Variants in MAFG observed in about 807,000 individuals in gnomAD.
The protein encoded by MAFG is transcription factor MafG.
Under a neutral mutation model 12.2 loss-of-function variants are expected in MAFG, and 3 were observed. The observed-to-expected ratio is 0.25, with a 90% CI of 0.11 to 0.64. The LOEUF (loss-of-function observed/expected upper bound fraction) is 0.64, where lower values mean the gene tolerates loss of function less well. MAFG is among the 30% of genes least tolerant of loss of function. MAFG has a pLI of 0.85. For synonymous variants in MAFG, 126 were observed against 109.1 expected (o/e 1.15, Z -0.96); for missense variants, 153 against 235.5 (o/e 0.65, Z 2.29).
chr17:81,927,765 A>C (rs2040954073), upstream of MAFG: 3 of 152,158 alleles, frequency 2.0e-5, no homozygotes, highest in African/African-American at 4.8e-5. Context: ...TCCATTCATG[A>C]AGCGGCGACG....
At position 81,921,109 on chromosome 17, in the gene MAFG, C is replaced by T. The variant is rs917316446; in HGVS notation, c.*1496G>A. ...GTGGGTGTGGAAGCAGCGTGGGGCG[C>T]CCCAAGGGACCCCAGTTTCACCTAC... On this transcript the variant is annotated 3_prime_UTR_variant, in exon 3 of 3. Coordinates refer to ENST00000357736, the MANE Select transcript of MAFG (RefSeq NM_002359.4). The T allele has an allele frequency of 6.6e-6, 1 of 152,312 alleles. No homozygotes were observed. The highest frequency in any genetic ancestry group is 2.4e-5 in the African/African-American group (1 of 41,432). 9.4% of individuals were successfully genotyped at this position (152,312 alleles called of 1,614,324 possible). A position where few individuals can be genotyped will look rare whatever the true frequency, so the allele number is the denominator to read the frequency against.
intron 1 of MAFG, 128 bp downstream of exon 1, chr17:81,927,400 C>A (rs967868358): frequency 6.6e-6 from 1 of 150,920 alleles, no homozygotes; most frequent in Non-Finnish European, 1.5e-5. Flanking sequence ...AAACCAGCGG[C>A]CCCCGCCGCC....
upstream of MAFG, among the ~76,000 whole-genome samples, chr17:81,931,037 C>T (rs2143840235): frequency 6.6e-6 from 1 of 152,340 alleles, no homozygotes; most frequent in Non-Finnish European, 1.5e-5. Context: ...CACCTCCCCA[C>T]AGCCTGCCTC....
chr17:81,928,551 A>G (rs1460937933), upstream of MAFG: 1 of 152,230 alleles, frequency 6.6e-6, no homozygotes, highest in Non-Finnish European at 1.5e-5. This position sits in a 1 kb window ranked among gnomAD's most constrained non-coding sequence, Gnocchi z 8.1. Flanking sequence ...AAGGCTCAGA[A>G]GCGTCCCTCC....
At position 81,920,661 on chromosome 17, in the gene MAFG, C is replaced by G. The variant is rs560026456; in HGVS notation, c.*1944G>C. The G allele has an allele frequency of 6.6e-6, 1 of 152,422 alleles. No homozygotes were observed. Among genetic ancestry groups the G allele is most frequent in the South Asian group, 2.1e-4 (1 of 4,832 alleles). 9.4% of individuals were successfully genotyped at this position (152,422 alleles called of 1,614,324 possible). On this transcript the variant is annotated 3_prime_UTR_variant, in exon 3 of 3. Transcript: ENST00000357736. ...GCTGCGCCCCCACAGGGAGGCACCT[C>G]CAGCAGAAGCCAAGCAGCTGATCCC...
chr17:81,924,738 G>A lies in MAFG; in HGVS notation c.-29-1524C>T, dbSNP rs944113236. 2.0e-5 allele frequency among the ~76,000 whole-genome samples: 3 copies of A among 152,160 alleles called. No individual in the cohort carries two copies. The highest frequency in any genetic ancestry group is 1.9e-4 in the East Asian group (1 of 5,188). ...GAGCTGGAGGTCAGAAGGCCCACAGGAGCCCTTTCCTACACGTCCGGCACA... is the reference window on the plus strand; with the variant it reads ...GAGCTGGAGGTCAGAAGGCCCACAGAAGCCCTTTCCTACACGTCCGGCACA... On this transcript the variant is annotated intron_variant, in intron 1 of 2. Transcript: ENST00000357736. The surrounding 1 kb of genome is among the most constrained non-coding windows in gnomAD (Gnocchi z 4.7).
At chr17:81,923,129 C>A in intron 2 of MAFG, 21 bp downstream of exon 2, 1 of 1,612,082 alleles carries the variant, frequency 6.2e-7, no homozygotes, top group South Asian at 1.1e-5. Context: ...AGCCCACAGG[C>A]TCCTGTCCCT....
At chr17:81,927,287 G>A (rs2040949376) in intron 1 of MAFG, among the ~76,000 whole-genome samples, 3 of 149,258 alleles carry the variant, frequency 2.0e-5, no homozygotes, top group Admixed American at 1.3e-4. Context: ...GCCGCCGCCC[G>A]CGGCCCACCT....
chr17:81,929,941 G>C (rs530369182), upstream of MAFG: 814 of 123,802 alleles, frequency 6.6e-3, 12 homozygotes, highest in African/African-American at 0.028. This position sits in a 1 kb window ranked among gnomAD's most constrained non-coding sequence, Gnocchi z 5.7. Context: ...GTGGGACTGA[G>C]CCCCGCAGGC....
chr17:81,925,499 C>T (rs2040931939), intron 1 of MAFG, among the ~76,000 whole-genome samples: 1 of 152,192 alleles, frequency 6.6e-6, no homozygotes, highest in Non-Finnish European at 1.5e-5. Flanking sequence ...TCCACTGATG[C>T]ATAAGTGACT....
In MAFG at chr17:81,922,266, C is replaced by T. The variant is rs373177092; in HGVS notation, c.*339G>A. The T allele has an allele frequency of 3.4e-4, 63 of 183,046 alleles. No homozygotes were observed. Among genetic ancestry groups the T allele is most frequent in the African/African-American group, 8.2e-4 (35 of 42,746 alleles). The allele number at this position is 183,046 out of a possible 1,614,324, so 11.3% of individuals were successfully genotyped here. On this transcript the variant is annotated 3_prime_UTR_variant, in exon 3 of 3. Transcript: ENST00000357736. ...CTGCTCGGGGACACGCGAGGCCCAG[C>T]GTGCCTGCTCCTTCTCTCTCCCGCA...
rs1244935865 is a variant in MAFG, at chr17:81,921,132, T to C, written c.*1473A>G. On this transcript the variant is annotated 3_prime_UTR_variant, in exon 3 of 3. Coordinates refer to ENST00000357736, the MANE Select transcript of MAFG (RefSeq NM_002359.4). ...CGCCCCAAGGGACCCCAGTTTCACC[T>C]ACCCCGCCACTAGATCAGCCCAAGC... The C allele has an allele frequency of 6.6e-6, 1 of 152,000 alleles. No individual in the cohort carries two copies. Among genetic ancestry groups the C allele is most frequent in the East Asian group, 1.9e-4 (1 of 5,170 alleles). 9.4% of individuals were successfully genotyped at this position (152,000 alleles called of 1,614,324 possible).
At position 81,918,297 on chromosome 17, in the gene MAFG, A is replaced by G. The variant is rs2040849670; in HGVS notation, c.*4308T>C. 1 of 551,918 alleles carries G rather than the reference A, an allele frequency of 1.8e-6. No homozygotes were observed. The highest frequency in any genetic ancestry group is 2.9e-6 in the Non-Finnish European group (1 of 340,528). 34.2% of individuals were successfully genotyped at this position (551,918 alleles called of 1,614,324 possible). A position where few individuals can be genotyped will look rare whatever the true frequency, so the allele number is the denominator to read the frequency against. Reference sequence around the variant, plus strand: ...TCTTTAAAAGGTTTATTGATCATATACAAAATAAAGAAAACCTTATATATC... The same window carrying G: ...TCTTTAAAAGGTTTATTGATCATATGCAAAATAAAGAAAACCTTATATATC... On this transcript the variant is annotated 3_prime_UTR_variant, in exon 3 of 3. Transcript: ENST00000357736.
At position 81,919,570 on chromosome 17, in the gene MAFG, A is replaced by G. The variant is rs1163293621; in HGVS notation, c.*3035T>C. ...AAAGTTAAGGTGGAAGGGAAGACAT[A>G]TATCATGGTTTACTTGGCGGACAAG... On this transcript the variant is annotated 3_prime_UTR_variant, in exon 3 of 3. Transcript: ENST00000357736. 2 of 152,316 alleles carry G rather than the reference A, an allele frequency of 1.3e-5. No individual in the cohort carries two copies. Among genetic ancestry groups the G allele is most frequent in the East Asian group, 3.8e-4 (2 of 5,208 alleles). The allele number at this position is 152,316 out of a possible 1,614,324, so 9.4% of individuals were successfully genotyped here. A position where few individuals can be genotyped will look rare whatever the true frequency, so the allele number is the denominator to read the frequency against.
In MAFG at chr17:81,918,493, G is replaced by C. The variant is rs868318301; in HGVS notation, c.*4112C>G. 7 of 166,220 alleles carry C rather than the reference G, an allele frequency of 4.2e-5. No individual in the cohort carries two copies. The South Asian group carries it at 6.0e-4, about 14-fold the overall frequency. The allele number at this position is 166,220 out of a possible 1,614,324, so 10.3% of individuals were successfully genotyped here. On this transcript the variant is annotated 3_prime_UTR_variant, in exon 3 of 3. Coordinates refer to ENST00000357736, the MANE Select transcript of MAFG (RefSeq NM_002359.4). ...CGCCCTACACGAAGTGTGAGCGCTC[G>C]GGCCTCACCCCGCATCCAAACCCCA... is the stretch of plus-strand genomic sequence containing the variant.
rs887185053 is a variant in MAFG, at chr17:81,924,724, C to G, written c.-29-1510G>C. On this transcript the variant is annotated intron_variant, in intron 1 of 2. Coordinates refer to ENST00000357736, the MANE Select transcript of MAFG (RefSeq NM_002359.4). The surrounding 1 kb of genome is among the most constrained non-coding windows in gnomAD (Gnocchi z 4.7). ...GATGGGGAAGACCTGAGCTGGAGGT[C>G]AGAAGGCCCACAGGAGCCCTTTCCT... 5.9e-5 allele frequency among the ~76,000 whole-genome samples: 9 copies of G among 152,168 alleles called. No homozygotes were observed. The highest frequency in any genetic ancestry group is 2.2e-4 in the African/African-American group (9 of 41,428).
chr17:81,925,996 CTGTGTGTGTGTGTGTG>C (rs532478689), intron 1 of MAFG, among the ~76,000 whole-genome samples: 1 of 88,948 alleles, frequency 1.1e-5, no homozygotes, highest in African/African-American at 4.7e-5. Context: ...GAGAATGGAC[CTGTGTGTGTGTGTGTG>C]TGTGTGTGTG....
At position 81,919,357 on chromosome 17, in the gene MAFG, G is replaced by A. The variant is rs146529730; in HGVS notation, c.*3248C>T. The A allele has an allele frequency of 0.027, 4,141 of 152,380 alleles. 89 individuals are homozygous for A. The highest frequency in any genetic ancestry group is 0.082 in the Middle Eastern group (24 of 294). 9.4% of individuals were successfully genotyped at this position (152,380 alleles called of 1,614,324 possible). On this transcript the variant is annotated 3_prime_UTR_variant, in exon 3 of 3. Transcript: ENST00000357736. ...CTGCAGCCGCTCAGGGCCGTGGGCC[G>A]GGCCCTGATCACCAGTCAGAAGTGT...
chr17:81,923,290 T>G, intron 1 of MAFG, 76 bp from the exon 2 acceptor site: 2 of 793,076 alleles, frequency 2.5e-6, no homozygotes, highest in African/African-American at 2.8e-5. Context: ...CCGGCCCAGT[T>G]CACAAGAGCC....
Sources: gnomAD v4.1 joint callset for allele counts (sites outside exome capture counted in the v4.1 genomes callset) on GRCh38, gnomAD v4.1.1 for gene constraint, Gnocchi (gnomAD v3.1) non-coding constraint, MANE v1.5 for transcripts, NCBI Gene and HGNC (gene_info 2026-07-23, HGNC 2026-07-21) for gene names.